Variants in RAB20 observed in about 807,000 individuals in gnomAD.
RAB20 encodes RAB20, member RAS oncogene family.
A neutral mutation model predicts 3.7 loss-of-function variants in RAB20; 2 were observed. The ratio of observed to expected loss-of-function variants is 0.54; its 90% confidence interval spans 0.22 to 1.69. The LOEUF (loss-of-function observed/expected upper bound fraction) is 1.69. RAB20 is among the 40% of genes most tolerant of loss of function. The pLI, the probability that RAB20 is intolerant of heterozygous loss-of-function variation, is 0.19. For missense variants in RAB20, 276 were observed against 311.9 expected, an observed-to-expected ratio of 0.88 and a Z score of 0.87; for synonymous variants, 126 against 130.8, an observed-to-expected ratio of 0.96 and a Z score of 0.25.
rs1282409633 is a variant in RAB20, at chr13:110,555,589, T to TAGTTGA, written c.172+5753_172+5758dup. Among the ~76,000 whole-genome samples the TAGTTGA allele has an allele frequency of 6.6e-6, 1 of 152,212 alleles. No individual in the cohort carries two copies. The highest frequency in any genetic ancestry group is 1.5e-5 in the Non-Finnish European group (1 of 68,042). On this transcript the variant is annotated intron_variant, in intron 1 of 1. Coordinates refer to ENST00000267328, the MANE Select transcript of RAB20 (RefSeq NM_017817.3). This position sits in a 1 kb window ranked among gnomAD's most constrained non-coding sequence, Gnocchi z 4.0. ...AGGCTCATGCCAAAGCTCAGACTTC[T>TAGTTGA]AGTTGAGACAGACAGAGGAACTGTT... is the stretch of plus-strand genomic sequence containing the variant.
intron 1 of RAB20, among the ~76,000 whole-genome samples, chr13:110,556,613 A>T (rs1466993584): frequency 1.3e-5 from 2 of 151,844 alleles, no homozygotes; most frequent in African/African-American, 4.8e-5. Flanking sequence ...GGCTCACTGC[A>T]GCCTCAACCT....
chr13:110,560,981 C>G (rs1885118673), intron 1 of RAB20, among the ~76,000 whole-genome samples: 1 of 152,198 alleles, frequency 6.6e-6, no homozygotes, highest in South Asian at 2.1e-4. Context: ...TCAAGTGAAT[C>G]TCAAAGGATA....
intron 1 of RAB20, among the ~76,000 whole-genome samples, chr13:110,526,185 G>A (rs1884427842): frequency 9.6e-6 from 1 of 104,396 alleles, no homozygotes. Context: ...GGGAGAGCTG[G>A]GAACGACTGA....
chr13:110,551,604 G>A (rs1200756073), intron 1 of RAB20, among the ~76,000 whole-genome samples: 5 of 152,166 alleles, frequency 3.3e-5, no homozygotes, highest in Non-Finnish European at 5.9e-5. Context: ...CTGGGCCAGC[G>A]TTCGCGGCCA....
At chr13:110,532,607 C>T (rs394559) in intron 1 of RAB20, among the ~76,000 whole-genome samples, 39,214 of 151,832 alleles carry the variant, frequency 0.26, 5,144 homozygotes, top group East Asian at 0.35. Flanking sequence ...AAACTCCTGA[C>T]CTCAAGTGAT....
chr13:110,526,302 G>A (rs778478231), intron 1 of RAB20, among the ~76,000 whole-genome samples: 1 of 152,220 alleles, frequency 6.6e-6, no homozygotes, highest in Non-Finnish European at 1.5e-5. Flanking sequence ...CCCAGGGAGT[G>A]TCCAGGCCCC....
At chr13:110,551,493 G>A (rs1884949418) in intron 1 of RAB20, among the ~76,000 whole-genome samples, 1 of 152,166 alleles carries the variant, frequency 6.6e-6, no homozygotes, top group Non-Finnish European at 1.5e-5. Context: ...TCTGAGCAGG[G>A]AAGGTGACCA....
chr13:110,537,371 C>T lies in RAB20; in HGVS notation c.173-13174G>A, dbSNP rs1490027971. On this transcript the variant is annotated intron_variant, in intron 1 of 1. Transcript: ENST00000267328. ...ATAAGGAATAAGCAATGCCCTCTAA[C>T]CCAATTTACACAACAAGAAGTTGTC... is the stretch of plus-strand genomic sequence containing the variant. Among the ~76,000 whole-genome samples the T allele has an allele frequency of 2.0e-5, 3 of 151,864 alleles. No homozygotes were observed. In the East Asian group the frequency reaches 5.8e-4, roughly 29 times the overall value.
intron 1 of RAB20, among the ~76,000 whole-genome samples, chr13:110,535,873 C>A (rs796658016): frequency 2.6e-5 from 4 of 152,362 alleles, no homozygotes; most frequent in African/African-American, 9.6e-5. Flanking sequence ...GGAAACAGCA[C>A]TTTCTGTTTA....
intron 1 of RAB20, among the ~76,000 whole-genome samples, chr13:110,525,784 G>A (rs957401111): frequency 2.0e-5 from 3 of 152,232 alleles, no homozygotes; most frequent in African/African-American, 4.8e-5. Flanking sequence ...GCACTGGGGG[G>A]ACGAGCTCTC....
chr13:110,535,916 C>CA (rs746299503), intron 1 of RAB20, among the ~76,000 whole-genome samples: 2 of 152,232 alleles, frequency 1.3e-5, no homozygotes, highest in African/African-American at 4.8e-5. Context: ...ATTATGGGTT[C>CA]AAAAATATAC....
At chr13:110,548,745 G>C (rs564160651) in intron 1 of RAB20, among the ~76,000 whole-genome samples, 1 of 152,106 alleles carries the variant, frequency 6.6e-6, no homozygotes, top group Non-Finnish European at 1.5e-5. Context: ...CCTCAAATCT[G>C]CACTCCCCAA....
At chr13:110,527,900 TAC>T (rs61582404) in intron 1 of RAB20, among the ~76,000 whole-genome samples, 25,393 of 137,834 alleles carry the variant, frequency 0.18, 2,277 homozygotes, top group East Asian at 0.28. Context: ...TCTCTACAAA[TAC>T]ACACACACAC....
At chr13:110,540,134 G>A (rs779663459) in intron 1 of RAB20, among the ~76,000 whole-genome samples, 8 of 152,220 alleles carry the variant, frequency 5.3e-5, no homozygotes, top group Non-Finnish European at 1.2e-4. Context: ...ATTACTCAGA[G>A]ATGTTCTTTA....
At chr13:110,552,462 G>A (rs1050808929) in intron 1 of RAB20, among the ~76,000 whole-genome samples, 1 of 151,840 alleles carries the variant, frequency 6.6e-6, no homozygotes, top group Non-Finnish European at 1.5e-5. Context: ...GGGAGGCTGA[G>A]GCGGGTGGAT....
rs1463784601 is a variant in RAB20 at position 110,523,772 on chromosome 13, G to C, written c.598C>G (p.Leu200Val). ...TGCTGTAAGATCATTGGCACCACCA[G>C]GTCAAAGAGGGTCTCAAACAGGAGG... ...VDLLFETLFD[L>V]VVPMILQQRA... The change falls in exon 2 of 2, where the codon CTG becomes GTG. Residue 200 changes from leucine to valine, a missense_variant. Coordinates refer to ENST00000267328, the MANE Select transcript of RAB20 (RefSeq NM_017817.3). 3 of 1,614,180 alleles carry C rather than the reference G, an allele frequency of 1.9e-6. No homozygotes were observed. The South Asian group carries it at 3.3e-5, about 18-fold the overall frequency.
At chr13:110,552,902 T>C (rs568930022) in intron 1 of RAB20, among the ~76,000 whole-genome samples, 132 of 152,226 alleles carry the variant, frequency 8.7e-4, no homozygotes, top group Non-Finnish European at 8.4e-4. Context: ...CACCCCAGGA[T>C]TCCCAGGCGC....
At chr13:110,534,022 A>G (rs77624870) in intron 1 of RAB20, among the ~76,000 whole-genome samples, 2,738 of 152,084 alleles carry the variant, frequency 0.018, 49 homozygotes, top group Middle Eastern at 0.044. Context: ...CGTGATGGGG[A>G]ACTGTATCTG....
chr13:110,549,499 G>A (rs983959837), intron 1 of RAB20, among the ~76,000 whole-genome samples: 13 of 152,154 alleles, frequency 8.5e-5, no homozygotes, highest in Admixed American at 2.6e-4. Context: ...GGTGCCTTAG[G>A]CCTCAGGAAC....
Sources: allele counts gnomAD v4.1 joint callset (sites outside exome capture counted in the v4.1 genomes callset), GRCh38; gene constraint gnomAD v4.1.1; non-coding constraint Gnocchi (gnomAD v3.1); transcripts MANE v1.5; gene names NCBI Gene and HGNC (gene_info 2026-07-23, HGNC 2026-07-21).